The following MLLT10 variants were observed in gnomAD, a reference collection of about 807,000 sequenced individuals.
MLLT10 encodes the protein MLLT10 histone lysine methyltransferase DOT1L cofactor.
Under a neutral mutation model 129.1 loss-of-function variants are expected in MLLT10, and 30 were observed. The observed-to-expected ratio is 0.23, with a 90% CI of 0.17 to 0.32. MLLT10 has a LOEUF of 0.32. Ranked by LOEUF, MLLT10 falls within the 10% of genes least tolerant of loss-of-function variation. The pLI is 1.00. For synonymous variants in MLLT10, 490 were observed against 446.4 expected, an observed-to-expected ratio of 1.10 and a Z score of -1.23; for missense variants, 1,119 against 1,268.3, an observed-to-expected ratio of 0.88 and a Z score of 1.79.
chr10:21,727,670 A>G (rs2057623957), intron 15 of MLLT10, among the ~76,000 whole-genome samples, 186 bp from the exon 16 acceptor site: 1 of 152,252 alleles, frequency 6.6e-6, no homozygotes, highest in African/African-American at 2.4e-5. Flanking sequence ...ACGTGTAGGG[A>G]CAACGCCTTA....
At chr10:21,562,301 T>C (rs1436047025) in intron 3 of MLLT10, among the ~76,000 whole-genome samples, 1 of 151,908 alleles carries the variant, frequency 6.6e-6, no homozygotes, top group Non-Finnish European at 1.5e-5. Context: ...TTATTGAATG[T>C]GTAGATTGCT....
At chr10:21,711,348 G>A (rs1319011371) in intron 13 of MLLT10, among the ~76,000 whole-genome samples, 11 of 152,058 alleles carry the variant, frequency 7.2e-5, no homozygotes, top group Middle Eastern at 6.8e-3. Context: ...ACTTGAACCC[G>A]CGGGTAGAGG....
At chr10:21,739,190 C>T (rs1370070532) in intron 21 of MLLT10, among the ~76,000 whole-genome samples, 1 of 152,138 alleles carries the variant, frequency 6.6e-6, no homozygotes, top group Non-Finnish European at 1.5e-5. Flanking sequence ...CCAAGGTGGC[C>T]ATGCCTTGCC....
chr10:21,643,985 A>G lies in MLLT10; in HGVS notation c.700-7688A>G, dbSNP rs138609771. 1.4e-4 allele frequency among the ~76,000 whole-genome samples: 21 copies of G among 152,204 alleles called. No homozygotes were observed. In the East Asian group the frequency reaches 3.9e-3, roughly 28 times the overall value. ...GATTATTTCAAGCCTTTCTTTTAAC[A>G]CTTTAACAATTCTTGGCAATGTGTA... On this transcript the variant is annotated intron_variant, in intron 8 of 22. Coordinates refer to ENST00000307729, the MANE Select transcript of MLLT10 (RefSeq NM_001195626.3).
At position 21,733,883 on chromosome 10, in the gene MLLT10, A is replaced by G. The variant is rs766742114; in HGVS notation, c.2612A>G (p.Asn871Ser). 10 of 1,614,066 alleles carry G rather than the reference A, an allele frequency of 6.2e-6. No homozygotes were observed. The highest frequency in any genetic ancestry group is 2.2e-5 in the East Asian group (1 of 44,898). The change falls in exon 20 of 23, where the codon AAT becomes AGT. Residue 871 changes from asparagine (N) to serine (S), a missense_variant. Physicochemically the swap from Asn to Ser is conservative, Grantham distance 46. Transcript: ENST00000307729. ...GSGVSGVQQV[N>S]GVTVGALASG... ...GGAGTGAGTGGAGTTCAGCAGGTCA[A>G]TGGCGTGACAGTGGGGGCACTAGCT...
At chr10:21,534,545 C>A in intron 1 of MLLT10, 25 bp downstream of exon 1, 2 of 1,334,422 alleles carry the variant, frequency 1.5e-6, no homozygotes, top group Non-Finnish European at 2.0e-6. Flanking sequence ...GGCTGCCGGG[C>A]CGGGCGGGGG....
At chr10:21,731,853 AACTT>A (rs2057997077) in intron 17 of MLLT10, among the ~76,000 whole-genome samples, 1 of 152,098 alleles carries the variant, frequency 6.6e-6, no homozygotes, top group African/African-American at 2.4e-5. Context: ...TTCGAGTATA[AACTT>A]TTGCTGCCTC....
Position 21,713,956 on chromosome 10 carries a change from T to G in MLLT10, c.1878+6T>G, listed in dbSNP as rs1171355836. Reference sequence around the variant, plus strand: ...CTGCTGTTGCTACAACTCAGGTAAGTTGTTACACTATCATGTGACAGGTAA... The same window carrying G: ...CTGCTGTTGCTACAACTCAGGTAAGGTGTTACACTATCATGTGACAGGTAA... On this transcript the variant is annotated splice_donor_region_variant and intron_variant, in intron 14 of 22. Coordinates refer to ENST00000307729, the MANE Select transcript of MLLT10 (RefSeq NM_001195626.3). 2 of 1,605,638 alleles carry G rather than the reference T, an allele frequency of 1.2e-6. No individual in the cohort carries two copies. The highest frequency in any genetic ancestry group is 1.7e-6 in the Non-Finnish European group (2 of 1,176,122).
At chr10:21,667,109 A>C (rs1185110355) in intron 9 of MLLT10, among the ~76,000 whole-genome samples, 1 of 152,118 alleles carries the variant, frequency 6.6e-6, no homozygotes, top group Non-Finnish European at 1.5e-5. Flanking sequence ...GTGGAATTCT[A>C]AGTTGACAGT....
chr10:21,560,551 C>G (rs1000432185), intron 3 of MLLT10, among the ~76,000 whole-genome samples: 2 of 151,882 alleles, frequency 1.3e-5, no homozygotes, highest in Non-Finnish European at 2.9e-5. Context: ...GTTGTCTCAC[C>G]TAGACTCCTG....
chr10:21,734,822 T>A (rs778192996), intron 20 of MLLT10, among the ~76,000 whole-genome samples: 1 of 152,212 alleles, frequency 6.6e-6, no homozygotes, highest in Admixed American at 6.5e-5. Flanking sequence ...AAATTATCCT[T>A]GAATAATTAA....
intron 21 of MLLT10, among the ~76,000 whole-genome samples, chr10:21,737,413 G>A (rs554549895): frequency 7.2e-5 from 11 of 152,272 alleles, no homozygotes; most frequent in East Asian, 3.9e-4. Context: ...ATGTGACAGC[G>A]TGTGTGTATG....
chr10:21,663,638 C>T (rs1479206359), intron 9 of MLLT10, among the ~76,000 whole-genome samples: 1 of 152,170 alleles, frequency 6.6e-6, no homozygotes, highest in African/African-American at 2.4e-5. Flanking sequence ...GATCTCAGCT[C>T]ACTGCAAGCT....
intron 2 of MLLT10, among the ~76,000 whole-genome samples, chr10:21,537,183 G>A (rs1037584612): frequency 6.6e-6 from 1 of 152,010 alleles, no homozygotes; most frequent in African/African-American, 2.4e-5. Flanking sequence ...TCCTACAAAT[G>A]TTTAACTGGA....
At chr10:21,668,623 A>G (rs201620919) in intron 9 of MLLT10, among the ~76,000 whole-genome samples, 2 of 152,046 alleles carry the variant, frequency 1.3e-5, no homozygotes, top group Admixed American at 1.3e-4. Context: ...TTTGTCACTG[A>G]AGTTTGATTG....
intron 11 of MLLT10, among the ~76,000 whole-genome samples, chr10:21,680,380 A>C (rs1209393626): frequency 6.6e-6 from 1 of 151,466 alleles, no homozygotes. Flanking sequence ...TAATTTTTGT[A>C]TTTTTAGTAG....
intron 13 of MLLT10, among the ~76,000 whole-genome samples, chr10:21,711,076 G>A (rs1202868408): frequency 6.6e-6 from 1 of 152,108 alleles, no homozygotes; most frequent in Admixed American, 6.5e-5. Context: ...CTGCTCTACT[G>A]CATGTTTCTT....
intron 22 of MLLT10, 96 bp from the exon 23 acceptor site, chr10:21,741,843 T>C: frequency 7.4e-7 from 1 of 1,348,316 alleles, no homozygotes; most frequent in Non-Finnish European, 1.0e-6. Flanking sequence ...GGAGTAACTT[T>C]CTATACCACA....
At chr10:21,661,884 G>C (rs895494197) in intron 9 of MLLT10, 7 of 151,946 alleles carry the variant, frequency 4.6e-5, no homozygotes, top group African/African-American at 1.7e-4. Context: ...GGTGATTATT[G>C]ATATAATTGG....
Sources: gnomAD v4.1 joint callset for allele counts (sites outside exome capture counted in the v4.1 genomes callset) on GRCh38, gnomAD v4.1.1 for gene constraint, MANE v1.5 for transcripts, NCBI Gene and HGNC (gene_info 2026-07-23, HGNC 2026-07-21) for gene names.